ULK4: variants seen among roughly 807,000 people sequenced by gnomAD.
The protein encoded by ULK4 is unc-51 like kinase 4, also known as inactive serine/threonine-protein kinase ULK4.
In ULK4, 133 loss-of-function variants were observed where a neutral mutation model predicts 160.6. That is an observed-to-expected ratio of 0.83 (90% CI 0.72 to 0.96). The LOEUF (loss-of-function observed/expected upper bound fraction) is 0.96. ULK4 is among the 40% of genes least tolerant of loss of function. ULK4 has a pLI of 0.00. For synonymous variants in ULK4, 534 were observed against 539.8 expected (o/e 0.99, Z 0.15); for missense variants, 1,580 against 1,499.5 (o/e 1.05, Z -0.89).
At chr3:41,422,528 C>T (rs1452642296) in intron 34 of ULK4, among the ~76,000 whole-genome samples, 3 of 152,076 alleles carry the variant, frequency 2.0e-5, no homozygotes, top group Admixed American at 1.3e-4. Context: ...AAATCATCTA[C>T]TTCTCTATAT....
chr3:41,770,701 C>G (rs1407714105), intron 21 of ULK4, among the ~76,000 whole-genome samples: 1 of 151,976 alleles, frequency 6.6e-6, no homozygotes, highest in Non-Finnish European at 1.5e-5. Context: ...TTAGTAGAGA[C>G]AGGGTCTCGC....
At chr3:41,814,156 A>C (rs2040897439) in intron 19 of ULK4, among the ~76,000 whole-genome samples, 2 of 152,316 alleles carry the variant, frequency 1.3e-5, no homozygotes, top group South Asian at 4.1e-4. Flanking sequence ...GCTGGGTTTG[A>C]CATGTGAGAA....
intron 34 of ULK4, among the ~76,000 whole-genome samples, chr3:41,443,315 C>T (rs2083215099): frequency 6.6e-6 from 1 of 152,188 alleles, no homozygotes; most frequent in African/African-American, 2.4e-5. Context: ...TCACCTTCAT[C>T]TTTGCTGGAC....
chr3:41,677,936 C>A (rs540046543), intron 29 of ULK4, among the ~76,000 whole-genome samples: 5 of 151,982 alleles, frequency 3.3e-5, no homozygotes, highest in Non-Finnish European at 5.9e-5. Context: ...CTGAATAGAG[C>A]GAAAAGGCTG....
At chr3:41,935,362 G>A (rs993933427) in intron 4 of ULK4, among the ~76,000 whole-genome samples, 5 of 151,518 alleles carry the variant, frequency 3.3e-5, no homozygotes, top group African/African-American at 1.2e-4. Context: ...AGATAGTTGG[G>A]ACTACAGGAG....
chr3:41,439,646 T>C (rs2083118197), intron 34 of ULK4, among the ~76,000 whole-genome samples: 1 of 152,206 alleles, frequency 6.6e-6, no homozygotes. Context: ...ATAGTAAGTC[T>C]TGAAATCAGA....
intron 27 of ULK4, among the ~76,000 whole-genome samples, chr3:41,691,715 C>T (rs1371002670): frequency 1.3e-5 from 2 of 151,852 alleles, no homozygotes; most frequent in East Asian, 1.9e-4. Context: ...CGTTAACACA[C>T]CAACACAAAG....
intron 32 of ULK4, among the ~76,000 whole-genome samples, chr3:41,494,545 C>A (rs1035791360): frequency 6.6e-6 from 1 of 151,630 alleles, no homozygotes; most frequent in Non-Finnish European, 1.5e-5. Flanking sequence ...TCTCTCACCA[C>A]TCCTATTCAA....
chr3:41,395,252 T>A (rs2125811687), intron 35 of ULK4, among the ~76,000 whole-genome samples: 2 of 150,796 alleles, frequency 1.3e-5, no homozygotes, highest in Middle Eastern at 7.0e-3. Context: ...CAAAAGCCAT[T>A]CCCATTAGCC....
intron 21 of ULK4, among the ~76,000 whole-genome samples, chr3:41,782,204 T>G (rs1437856858): frequency 6.6e-6 from 1 of 151,838 alleles, no homozygotes; most frequent in Non-Finnish European, 1.5e-5. Context: ...GCAAGGACTA[T>G]CTGGCATGCC....
At chr3:41,948,041 C>T (rs1700163975) in intron 2 of ULK4, among the ~76,000 whole-genome samples, 1 of 152,172 alleles carries the variant, frequency 6.6e-6, no homozygotes, top group African/African-American at 2.4e-5. Flanking sequence ...CCACACGTGA[C>T]CGACCCCACA....
intron 2 of ULK4, 139 bp downstream of exon 2, chr3:41,954,483 A>G (rs556624725): frequency 1.1e-6 from 1 of 878,698 alleles, no homozygotes; most frequent in Non-Finnish European, 1.7e-6. Flanking sequence ...GGTGGCACTG[A>G]ACAGATGAAG....
At chr3:41,879,171 T>G (rs1458988800) in intron 17 of ULK4, among the ~76,000 whole-genome samples, 1 of 152,156 alleles carries the variant, frequency 6.6e-6, no homozygotes, top group Non-Finnish European at 1.5e-5. Context: ...ATGACATGTA[T>G]GAAACCACCA....
chr3:41,845,146 T>C (rs1350171604), intron 17 of ULK4, among the ~76,000 whole-genome samples: 2 of 152,078 alleles, frequency 1.3e-5, no homozygotes, highest in African/African-American at 4.8e-5. Context: ...TTTGTATTTT[T>C]AGTAGAGATG....
At chr3:41,832,071 G>C (rs889710345) in intron 18 of ULK4, among the ~76,000 whole-genome samples, 1 of 152,142 alleles carries the variant, frequency 6.6e-6, no homozygotes, top group African/African-American at 2.4e-5. Context: ...AACCAGTAAT[G>C]GGATTGCTGG....
At chr3:41,824,640 G>A (rs1242874884) in intron 18 of ULK4, among the ~76,000 whole-genome samples, 1 of 152,200 alleles carries the variant, frequency 6.6e-6, no homozygotes, top group Non-Finnish European at 1.5e-5. Flanking sequence ...CATTGCCGAG[G>A]CTTGAGTAGG....
intron 35 of ULK4, among the ~76,000 whole-genome samples, chr3:41,355,712 T>C (rs1338485262): frequency 6.6e-6 from 1 of 152,206 alleles, no homozygotes; most frequent in Non-Finnish European, 1.5e-5. Flanking sequence ...TTTAGAACAA[T>C]AATTCACAGT....
At chr3:41,435,361 G>A (rs116504131) in intron 34 of ULK4, among the ~76,000 whole-genome samples, 7 of 152,128 alleles carry the variant, frequency 4.6e-5, no homozygotes, top group Non-Finnish European at 8.8e-5. Flanking sequence ...AATGATCACA[G>A]GGTGTCCAAT....
intron 31 of ULK4, among the ~76,000 whole-genome samples, chr3:41,615,035 T>C (rs2032893928): frequency 6.6e-6 from 1 of 152,206 alleles, no homozygotes; most frequent in Non-Finnish European, 1.5e-5. Flanking sequence ...CAACTCAATT[T>C]TCAGCCTAAT....
Sources: allele counts gnomAD v4.1 joint callset (sites outside exome capture counted in the v4.1 genomes callset), GRCh38; gene constraint gnomAD v4.1.1; transcripts MANE v1.5; gene names NCBI Gene and HGNC (gene_info 2026-07-23, HGNC 2026-07-21).